Variants in PTGES3 observed in about 807,000 individuals in gnomAD.
PTGES3 encodes prostaglandin E synthase 3, also known as Hsp90 co-chaperone.
Under a neutral mutation model 29.9 loss-of-function variants are expected in PTGES3, and 5 were observed. The ratio of observed to expected loss-of-function variants is 0.17; its 90% CI spans 0.09 to 0.35. The LOEUF is 0.35. PTGES3 is among the 10% of genes least tolerant of loss of function. PTGES3 has a pLI of 1.00. For missense variants in PTGES3, 128 were observed against 190.0 expected (o/e 0.67, Z 1.92); for synonymous variants, 49 against 57.8 (o/e 0.85, Z 0.69).
chr12:56,669,644 G>A (rs1000118670), intron 5 of PTGES3, among the ~76,000 whole-genome samples: 5 of 151,748 alleles, frequency 3.3e-5, no homozygotes, highest in East Asian at 3.9e-4. Flanking sequence ...ACCGAGTCCC[G>A]CTCTTTCGCC....
chr12:56,687,117 T>C (rs1401418767), intron 1 of PTGES3: 23 of 799,274 alleles, frequency 2.9e-5, no homozygotes, highest in African/African-American at 1.1e-4. Flanking sequence ...TTTATCATCG[T>C]AAAATGAAGA....
rs557149230 is a variant in PTGES3 at position 56,672,925 on chromosome 12, C to T, written c.116+27G>A. ...TTCAGTTGTGTGAATGACTATTTTA[C>T]ATCATTGGATAAAAAGCTTAACTTA... is the stretch of plus-strand genomic sequence containing the variant. On this transcript the variant is annotated intron_variant, in intron 2 of 7. Coordinates refer to ENST00000262033, the MANE Select transcript of PTGES3 (RefSeq NM_006601.7). 3.0e-5 allele frequency: 48 copies of T among 1,576,444 alleles called. No individual in the cohort carries two copies. In the South Asian group the frequency reaches 4.7e-4, roughly 15 times the overall value.
chr12:56,670,701 C>T (rs1435382048), intron 4 of PTGES3: 1 of 214,530 alleles, frequency 4.7e-6, no homozygotes, highest in African/African-American at 2.3e-5. Context: ...CTTCACCCTC[C>T]AGAGTAGCTT....
chr12:56,677,207 C>T (rs2926754), intron 1 of PTGES3, among the ~76,000 whole-genome samples: 1 of 150,840 alleles, frequency 6.6e-6, no homozygotes, highest in Admixed American at 6.6e-5. Flanking sequence ...CCACTGCACT[C>T]TAGCCTGGGC....
chr12:56,679,618 T>C (rs1181235942), intron 1 of PTGES3, among the ~76,000 whole-genome samples: 1 of 152,104 alleles, frequency 6.6e-6, no homozygotes, highest in African/African-American at 2.4e-5. Context: ...TCCAGTATAA[T>C]TAGTTTAGAA....
chr12:56,672,933 G>A lies in PTGES3; in HGVS notation c.116+19C>T. On this transcript the variant is annotated intron_variant, in intron 2 of 7. Transcript: ENST00000262033. ...TGTGAATGACTATTTTACATCATTG[G>A]ATAAAAAGCTTAACTTACCTGAATG... 13 of 1,584,058 alleles carry A rather than the reference G, an allele frequency of 8.2e-6. No homozygotes were observed. Among genetic ancestry groups the A allele is most frequent in the Non-Finnish European group, 1.1e-5 (13 of 1,165,660 alleles).
In PTGES3 at chr12:56,670,591, G is replaced by A. The variant is rs530460184; in HGVS notation, c.286-227C>T. ...GTTTACCCTCTTCAGGCAACCTGGT[G>A]GTCCCCGCTTCCTGGGACAACACCG... On this transcript the variant is annotated intron_variant, in intron 4 of 7. Transcript: ENST00000262033. The A allele has an allele frequency of 2.0e-4, 96 of 487,436 alleles. 1 individual carries two copies. Among genetic ancestry groups the A allele is most frequent in the Middle Eastern group, 5.7e-4 (1 of 1,758 alleles). The allele number at this position is 487,436 out of a possible 1,614,324, so 30.2% of individuals were successfully genotyped here. A position where few individuals can be genotyped will look rare whatever the true frequency, so the allele number is the denominator to read the frequency against.
chr12:56,666,074 G>A (rs1303863418), intron 6 of PTGES3, 130 bp downstream of exon 6: 2 of 1,400,948 alleles, frequency 1.4e-6, no homozygotes, highest in African/African-American at 1.5e-5. Flanking sequence ...TTTAAAAATT[G>A]CTTTTCCCTT....
chr12:56,679,044 G>C (rs1329414923), intron 1 of PTGES3, among the ~76,000 whole-genome samples: 6 of 152,160 alleles, frequency 3.9e-5, no homozygotes, highest in Admixed American at 3.9e-4. Flanking sequence ...CTTGAGACAA[G>C]GAGTTTGAGG....
intron 1 of PTGES3, among the ~76,000 whole-genome samples, chr12:56,674,125 C>T (rs1236157100): frequency 6.6e-6 from 1 of 152,188 alleles, no homozygotes; most frequent in Admixed American, 6.5e-5. Flanking sequence ...ACCCCCAGTA[C>T]ATCTTAAGAA....
chr12:56,672,689 T>A, intron 3 of PTGES3, 51 bp downstream of exon 3: 1 of 1,489,684 alleles, frequency 6.7e-7, no homozygotes, highest in Non-Finnish European at 9.0e-7. Flanking sequence ...ATACTTGGTA[T>A]GTCTGTTTCC....
intron 1 of PTGES3, among the ~76,000 whole-genome samples, chr12:56,683,831 T>G (rs7309526): frequency 6.7e-6 from 1 of 149,952 alleles, no homozygotes; most frequent in African/African-American, 2.4e-5. Context: ...AGGTGGCGGG[T>G]GCCTGTAGTC....
intron 6 of PTGES3, chr12:56,665,150 T>C (rs997247643): frequency 8.6e-5 from 85 of 985,164 alleles, no homozygotes; most frequent in Non-Finnish European, 9.5e-5. Context: ...ATCCTAGCTG[T>C]TGAGTGAATA....
chr12:56,677,291 C>G (rs1592265444), intron 1 of PTGES3, among the ~76,000 whole-genome samples: 1 of 151,878 alleles, frequency 6.6e-6, no homozygotes, highest in South Asian at 2.1e-4. Context: ...AAAACATTAC[C>G]TTGAACAGCT....
chr12:56,675,299 CAAAAAA>C (rs970331911), intron 1 of PTGES3, among the ~76,000 whole-genome samples: 8 of 144,338 alleles, frequency 5.5e-5, no homozygotes, highest in African/African-American at 1.0e-4. Flanking sequence ...GACTCTGTCT[CAAAAAA>C]GAAAAAGAAA....
chr12:56,674,997 T>A (rs1458599419), intron 1 of PTGES3, among the ~76,000 whole-genome samples: 1 of 53,272 alleles, frequency 1.9e-5, no homozygotes, highest in Non-Finnish European at 3.3e-5. Flanking sequence ...AGAGTGAAAC[T>A]CGGTCTCAAA....
At chr12:56,665,703 G>A in intron 6 of PTGES3, 1 of 933,482 alleles carries the variant, frequency 1.1e-6, no homozygotes, top group Non-Finnish European at 1.3e-6. Context: ...GTGCAATGGT[G>A]TGATCTTGGC....
chr12:56,673,864 G>GGACT (rs1952109888), intron 1 of PTGES3, among the ~76,000 whole-genome samples: 2 of 151,744 alleles, frequency 1.3e-5, no homozygotes, highest in South Asian at 4.2e-4. Context: ...TTGAGGGATG[G>GGACT]GACTGAGGCA....
Position 56,664,417 on chromosome 12 carries a change from A to G in PTGES3, c.*62T>C. The G allele has an allele frequency of 6.4e-7, 1 of 1,552,664 alleles. No homozygotes were observed. The highest frequency in any genetic ancestry group is 1.8e-5 in the Admixed American group (1 of 56,628). ...AGCTATCAACTCAGGAATTCTCTCA[A>G]TTATGAAATCTTGCAGAGAAGTTAT... On this transcript the variant is annotated 3_prime_UTR_variant, in exon 8 of 8. Transcript: ENST00000262033.
Sources: allele counts gnomAD v4.1 joint callset (sites outside exome capture counted in the v4.1 genomes callset), GRCh38; gene constraint gnomAD v4.1.1; transcripts MANE v1.5; gene names NCBI Gene and HGNC (gene_info 2026-07-23, HGNC 2026-07-21).